PPP2R1A: variants seen among roughly 807,000 people sequenced by gnomAD.
PPP2R1A encodes the protein serine/threonine-protein phosphatase 2A 65 kDa regulatory subunit A alpha isoform.
Under a neutral mutation model 67.1 loss-of-function variants are expected in PPP2R1A, and 15 were observed. The ratio of observed to expected loss-of-function variants is 0.22; its 90% CI spans 0.15 to 0.34. The LOEUF (loss-of-function observed/expected upper bound fraction) is 0.34, where lower values mean the gene tolerates loss of function less well. Among genes scored for constraint, PPP2R1A ranks in the 10% least tolerant of loss-of-function variants. PPP2R1A has a pLI of 1.00. For missense variants in PPP2R1A, 369 were observed against 775.0 expected, an observed-to-expected ratio of 0.48 and a Z score of 6.22; for synonymous variants, 337 against 325.0, an observed-to-expected ratio of 1.04 and a Z score of -0.40.
intron 1 of PPP2R1A, among the ~76,000 whole-genome samples, chr19:52,190,726 AC>A (rs969514928): frequency 6.6e-6 from 1 of 151,204 alleles, no homozygotes; most frequent in African/African-American, 2.4e-5. Flanking sequence ...ACGCAAAAAC[AC>A]CCCCCCACCA....
Position 52,216,220 on chromosome 19 carries a change from G to A in PPP2R1A, c.993+146G>A. ...AGCTCTTGGGTTTCAAGCAGTTAGG[G>A]GTCCTGACTGCAGCTTGAGGCTGAC... On this transcript the variant is annotated intron_variant, in intron 8 of 14. Transcript: ENST00000322088. The surrounding 1 kb of genome is among the most constrained non-coding windows in gnomAD (Gnocchi z 4.3). 1.1e-6 allele frequency: 1 copy of A among 880,746 alleles called. No homozygotes were observed. The highest frequency in any genetic ancestry group is 1.7e-6 in the Non-Finnish European group (1 of 575,414). The allele number at this position is 880,746 out of a possible 1,614,324, so 54.6% of individuals were successfully genotyped here.
At chr19:52,204,399 G>T (rs370602207) in intron 2 of PPP2R1A, among the ~76,000 whole-genome samples, 9 of 152,206 alleles carry the variant, frequency 5.9e-5, no homozygotes, top group African/African-American at 1.9e-4. Context: ...AACCAGGTAA[G>T]AAGCTGTTGC....
chr19:52,213,723 C>T lies in PPP2R1A; in HGVS notation c.807+613C>T, dbSNP rs1342165045. Among the ~76,000 whole-genome samples, 3 of 151,830 alleles carry T rather than the reference C, an allele frequency of 2.0e-5. No homozygotes were observed. The highest frequency in any genetic ancestry group is 6.6e-5 in the Admixed American group (1 of 15,248). On this transcript the variant is annotated intron_variant, in intron 6 of 14. Transcript: ENST00000322088. The surrounding 1 kb of genome is among the most constrained non-coding windows in gnomAD (Gnocchi z 4.2). ...CTAGTCTCGAACTCCTGACCTCAAGCGATCCGCCTGCCTTCATCTCCCAAA... is the reference window on the plus strand; with the variant it reads ...CTAGTCTCGAACTCCTGACCTCAAGTGATCCGCCTGCCTTCATCTCCCAAA...
At chr19:52,194,697 T>C (rs748242491) in intron 1 of PPP2R1A, among the ~76,000 whole-genome samples, 8 of 152,106 alleles carry the variant, frequency 5.3e-5, no homozygotes, top group Non-Finnish European at 4.4e-5. Flanking sequence ...CCAGTTGTGC[T>C]CTCTGTGTGC....
intron 1 of PPP2R1A, among the ~76,000 whole-genome samples, chr19:52,191,916 A>AGGTGCC (rs1428545438): frequency 6.6e-6 from 1 of 152,184 alleles, no homozygotes; most frequent in African/African-American, 2.4e-5. Context: ...TATTCTGTGC[A>AGGTGCC]GGGCGCTGTT....
chr19:52,214,224 C>T (rs1163204387), intron 6 of PPP2R1A, among the ~76,000 whole-genome samples: 2 of 151,994 alleles, frequency 1.3e-5, no homozygotes, highest in African/African-American at 4.8e-5. Context: ...GATGGCCCAG[C>T]CTGAGAGAAA....
At chr19:52,194,610 G>C (rs549678612) in intron 1 of PPP2R1A, among the ~76,000 whole-genome samples, 26 of 152,152 alleles carry the variant, frequency 1.7e-4, no homozygotes, top group African/African-American at 4.1e-4. Context: ...GACATGTTGA[G>C]GGGGGCTGAT....
In PPP2R1A at chr19:52,226,707, G is replaced by T. The variant is rs551278821; in HGVS notation, c.*726G>T. 257 of 166,874 alleles carry T rather than the reference G, an allele frequency of 1.5e-3. No homozygotes were observed. Among genetic ancestry groups the T allele is most frequent in the African/African-American group, 5.8e-3 (243 of 42,012 alleles). 10.3% of individuals were successfully genotyped at this position (166,874 alleles called of 1,614,324 possible). On this transcript the variant is annotated 3_prime_UTR_variant, in exon 15 of 15. Coordinates refer to ENST00000322088, the MANE Select transcript of PPP2R1A (RefSeq NM_014225.6). ...GAACCAGACTGCCTGGGTCCAAATT[G>T]TGGCTCCTTCAGTTAATAGACGTGT...
In PPP2R1A at chr19:52,226,364, T is replaced by A; in HGVS notation, c.*383T>A. 2.9e-6 allele frequency: 1 copy of A among 345,394 alleles called. No homozygotes were observed. The highest frequency in any genetic ancestry group is 5.3e-6 in the Non-Finnish European group (1 of 189,050). 21.4% of individuals were successfully genotyped at this position (345,394 alleles called of 1,614,324 possible). ...TTTTGTGTGTCAACTGTGCCGTTTT[T>A]ATTTTATTCCTTTTATTTTCCCCCT... On this transcript the variant is annotated 3_prime_UTR_variant, in exon 15 of 15. Transcript: ENST00000322088.
At chr19:52,198,857 G>A (rs1038460352) in intron 1 of PPP2R1A, among the ~76,000 whole-genome samples, 2 of 152,210 alleles carry the variant, frequency 1.3e-5, no homozygotes, top group African/African-American at 4.8e-5. Flanking sequence ...ATACCTCAGA[G>A]CAGTTATGAG....
rs763936696 is a variant in PPP2R1A, at chr19:52,211,470, G to T, written c.481G>T (p.Ala161Ser). 34 of 1,610,462 alleles carry T rather than the reference G, an allele frequency of 2.1e-5. No homozygotes were observed. The highest frequency in any genetic ancestry group is 2.9e-5 in the Non-Finnish European group (34 of 1,177,256). Reference protein sequence around the residue: ...FSVCYPRVSSAVKAELRQYFR... With the variant: ...FSVCYPRVSSSVKAELRQYFR... Reference sequence around the variant, plus strand: ...CGTCTGCTACCCCCGAGTGTCCAGTGCTGTGAAGGCGGAACTTCGACAGTG... The same window carrying T: ...CGTCTGCTACCCCCGAGTGTCCAGTTCTGTGAAGGCGGAACTTCGACAGTG... The change falls in exon 4 of 15, where the codon GCT becomes TCT. Residue 161 changes from alanine (A) to serine (S), a missense_variant. Coordinates refer to ENST00000322088, the MANE Select transcript of PPP2R1A (RefSeq NM_014225.6). This position sits in a 1 kb window ranked among gnomAD's most constrained non-coding sequence, Gnocchi z 5.3.
At position 52,226,016 on chromosome 19, in the gene PPP2R1A, C is replaced by T; in HGVS notation, c.*35C>T. On this transcript the variant is annotated 3_prime_UTR_variant, in exon 15 of 15. Transcript: ENST00000322088. ...AGGAGCAAACACTGGCCTCTGGTGT[C>T]CACCCTCCAACCCCCACAAGTCCCT... The T allele has an allele frequency of 6.2e-7, 1 of 1,614,188 alleles. No homozygotes were observed. The highest frequency in any genetic ancestry group is 1.1e-5 in the South Asian group (1 of 91,080).
At chr19:52,192,663 C>G (rs1308088589) in intron 1 of PPP2R1A, among the ~76,000 whole-genome samples, 3 of 152,092 alleles carry the variant, frequency 2.0e-5, no homozygotes, top group Non-Finnish European at 4.4e-5. Flanking sequence ...GCTATCTATC[C>G]TCCCATCTTT....
intron 2 of PPP2R1A, among the ~76,000 whole-genome samples, chr19:52,202,496 C>T (rs1162194123): frequency 6.6e-6 from 1 of 152,214 alleles, no homozygotes; most frequent in African/African-American, 2.4e-5. Context: ...AGAAAGCTGC[C>T]TGTACTCAGT....
At chr19:52,204,862 C>T (rs2089586685) in intron 2 of PPP2R1A, among the ~76,000 whole-genome samples, 1 of 152,156 alleles carries the variant, frequency 6.6e-6, no homozygotes, top group African/African-American at 2.4e-5. Flanking sequence ...TCCGAACAAC[C>T]CTATGAAGTG....
chr19:52,203,528 T>C (rs1240514242), intron 2 of PPP2R1A, among the ~76,000 whole-genome samples: 1 of 152,192 alleles, frequency 6.6e-6, no homozygotes, highest in Non-Finnish European at 1.5e-5. Flanking sequence ...AGGAGTCTAA[T>C]AAGAGGAGTA....
chr19:52,221,236 T>A, intron 12 of PPP2R1A, 103 bp downstream of exon 12: 1 of 1,467,402 alleles, frequency 6.8e-7, no homozygotes, highest in South Asian at 1.2e-5. Context: ...GGCTTGGGAA[T>A]GGAGACATGG....
At chr19:52,218,839 C>A (rs1364384126) in intron 9 of PPP2R1A, among the ~76,000 whole-genome samples, 1 of 152,198 alleles carries the variant, frequency 6.6e-6, no homozygotes, top group Non-Finnish European at 1.5e-5. Flanking sequence ...TCACCTTCAG[C>A]AAGCGCTATA....
intron 1 of PPP2R1A, among the ~76,000 whole-genome samples, chr19:52,192,232 T>G (rs1036828919): frequency 6.6e-6 from 1 of 151,366 alleles, no homozygotes; most frequent in African/African-American, 2.4e-5. Flanking sequence ...GGATGCAGAG[T>G]TTGAGAAGAG....
Sources: allele counts gnomAD v4.1 joint callset (sites outside exome capture counted in the v4.1 genomes callset), GRCh38; gene constraint gnomAD v4.1.1; non-coding constraint Gnocchi (gnomAD v3.1); transcripts MANE v1.5; gene names NCBI Gene and HGNC (gene_info 2026-07-23, HGNC 2026-07-21).